GFRAL: variants seen among roughly 807,000 people sequenced by gnomAD.
The protein encoded by GFRAL is GDNF family receptor alpha-like.
A neutral mutation model predicts 45.4 loss-of-function variants in GFRAL; 36 were observed. The ratio of observed to expected loss-of-function variants is 0.79; its 90% CI spans 0.61 to 1.05. The LOEUF (loss-of-function observed/expected upper bound fraction) is 1.05. GFRAL is among the 50% of genes least tolerant of loss of function. The pLI is 0.00. For synonymous variants in GFRAL, 166 were observed against 154.1 expected, an observed-to-expected ratio of 1.08 and a Z score of -0.57; for missense variants, 507 against 467.5, an observed-to-expected ratio of 1.08 and a Z score of -0.78.
chr6:55,330,919 A>G lies in GFRAL; in HGVS notation c.23-796A>G, dbSNP rs576123787. Among the ~76,000 whole-genome samples the G allele has an allele frequency of 5.9e-5, 9 of 152,272 alleles. No homozygotes were observed. In the South Asian group the frequency reaches 1.9e-3, roughly 32 times the overall value. On this transcript the variant is annotated intron_variant, in intron 1 of 8. Coordinates refer to ENST00000340465, the MANE Select transcript of GFRAL (RefSeq NM_207410.2). Reference sequence around the variant, plus strand: ...TGGGAGAGTGAAGTTGAGGATGGAAAATAGTCTACCACAAAACCAAGATTT... The same window carrying G: ...TGGGAGAGTGAAGTTGAGGATGGAAGATAGTCTACCACAAAACCAAGATTT...
At chr6:55,329,786 A>G (rs558515115) in intron 1 of GFRAL, among the ~76,000 whole-genome samples, 3 of 152,198 alleles carry the variant, frequency 2.0e-5, no homozygotes, top group Non-Finnish European at 4.4e-5. Context: ...CAAGTAGTAC[A>G]CATGGTCCAA....
At chr6:55,346,834 C>A (rs1002294082) in intron 3 of GFRAL, among the ~76,000 whole-genome samples, 34 of 56,656 alleles carry the variant, frequency 6.0e-4, no homozygotes, top group African/African-American at 1.5e-3. Flanking sequence ...CAAGAAATCC[C>A]CCCCCCCCAA....
intron 3 of GFRAL, among the ~76,000 whole-genome samples, chr6:55,334,868 T>A (rs1007555920): frequency 6.6e-6 from 1 of 152,216 alleles, no homozygotes; most frequent in Admixed American, 6.5e-5. Flanking sequence ...ATGTGTAAGT[T>A]TATTTTTCTT....
chr6:55,382,481 C>A (rs1768623451), intron 6 of GFRAL, among the ~76,000 whole-genome samples: 1 of 151,864 alleles, frequency 6.6e-6, no homozygotes, highest in South Asian at 2.1e-4. Context: ...CTAGATATTT[C>A]TTTGGGTTGG....
intron 5 of GFRAL, among the ~76,000 whole-genome samples, chr6:55,357,887 T>C (rs1241401118): frequency 6.6e-6 from 1 of 151,688 alleles, no homozygotes; most frequent in Non-Finnish European, 1.5e-5. Context: ...TCTATCTGAA[T>C]GACAATCAAT....
chr6:55,328,280 AT>A (rs1437460863), intron 1 of GFRAL, among the ~76,000 whole-genome samples: 4 of 151,926 alleles, frequency 2.6e-5, no homozygotes, highest in African/African-American at 9.7e-5. Context: ...CTTCTTTAGC[AT>A]TTGGTAGAAT....
chr6:55,367,850 C>G (rs1330930598), intron 6 of GFRAL, among the ~76,000 whole-genome samples: 1 of 152,034 alleles, frequency 6.6e-6, no homozygotes, highest in African/African-American at 2.4e-5. Flanking sequence ...GGTAACCCGA[C>G]CTTTCTCTCT....
At chr6:55,355,210 C>T (rs1226933507) in intron 5 of GFRAL, among the ~76,000 whole-genome samples, 1 of 151,570 alleles carries the variant, frequency 6.6e-6, no homozygotes, top group Non-Finnish European at 1.5e-5. Flanking sequence ...AAAATTCACA[C>T]ATCAGGGTCT....
chr6:55,330,320 A>G (rs1196875368), intron 1 of GFRAL, among the ~76,000 whole-genome samples: 1 of 152,174 alleles, frequency 6.6e-6, no homozygotes, highest in Non-Finnish European at 1.5e-5. Flanking sequence ...TGACAAAAAT[A>G]CAGTTATAAA....
intron 6 of GFRAL, among the ~76,000 whole-genome samples, chr6:55,376,104 T>C (rs535177157): frequency 1.3e-5 from 2 of 152,316 alleles, no homozygotes; most frequent in South Asian, 4.1e-4. Context: ...TTTCTGCAAC[T>C]ATTGAGATAA....
At chr6:55,394,705 G>A (rs1271763993) in intron 6 of GFRAL, among the ~76,000 whole-genome samples, 1 of 151,984 alleles carries the variant, frequency 6.6e-6, no homozygotes, top group South Asian at 2.1e-4. Flanking sequence ...GAGAACTAGA[G>A]GTAACAAAAT....
intron 6 of GFRAL, among the ~76,000 whole-genome samples, chr6:55,369,609 A>G (rs532546005): frequency 6.6e-5 from 10 of 152,318 alleles, no homozygotes; most frequent in Non-Finnish European, 1.0e-4. Flanking sequence ...TATTGCACGT[A>G]TGTACTGGCA....
Position 55,359,077 on chromosome 6 carries a change from A to C in GFRAL, c.891A>C (p.Thr297=). 6.2e-7 allele frequency: 1 copy of C among 1,612,820 alleles called. No individual in the cohort carries two copies. Among genetic ancestry groups the C allele is most frequent in the Non-Finnish European group, 8.5e-7 (1 of 1,179,228 alleles). The change falls in exon 6 of 9, where the codon ACA becomes ACC. Residue 297 remains threonine, a synonymous_variant. Transcript: ENST00000340465. ...LQVQCTCRTI[T]QSEESLCKIF... ...TGCAATGTACCTGTAGGACCATTAC[A>C]CAAAGTGAGGAATCTTTGTGTAAGA... is the stretch of plus-strand genomic sequence containing the variant.
chr6:55,363,613 G>T (rs1215928558), intron 6 of GFRAL, among the ~76,000 whole-genome samples: 2 of 114,342 alleles, frequency 1.7e-5, no homozygotes, highest in African/African-American at 7.1e-5. Flanking sequence ...TCAGTCCCCA[G>T]AGTGTGATAT....
chr6:55,390,337 T>C lies in GFRAL; in HGVS notation c.953-8843T>C, dbSNP rs577743739. ...ATGCAATTGTCAAATTTCAGTGGCA[T>C]ACAAAAACAAAGATTGATTTCTAGG... On this transcript the variant is annotated intron_variant, in intron 6 of 8. Transcript: ENST00000340465. Among the ~76,000 whole-genome samples the C allele has an allele frequency of 8.5e-5, 13 of 152,320 alleles. No individual in the cohort carries two copies. The South Asian group carries it at 2.7e-3, about 32-fold the overall frequency.
chr6:55,341,571 G>A (rs1767965873), intron 3 of GFRAL, among the ~76,000 whole-genome samples: 1 of 152,098 alleles, frequency 6.6e-6, no homozygotes, highest in African/African-American at 2.4e-5. Flanking sequence ...CAAAGATGGG[G>A]AAAAAACAGA....
At chr6:55,399,881 T>C (rs1181867574) in intron 8 of GFRAL, among the ~76,000 whole-genome samples, 1 of 152,158 alleles carries the variant, frequency 6.6e-6, no homozygotes, top group Non-Finnish European at 1.5e-5. Context: ...CTAATACATT[T>C]TATTCATTTT....
intron 3 of GFRAL, among the ~76,000 whole-genome samples, chr6:55,340,607 G>A (rs940436595): frequency 6.6e-6 from 1 of 152,170 alleles, no homozygotes; most frequent in African/African-American, 2.4e-5. Flanking sequence ...TGATGCAGAA[G>A]ACGAGTGATT....
chr6:55,396,379 C>T (rs999310025), intron 6 of GFRAL, among the ~76,000 whole-genome samples: 1 of 152,114 alleles, frequency 6.6e-6, no homozygotes, highest in Non-Finnish European at 1.5e-5. Flanking sequence ...TAAAAAAAGC[C>T]TTTTTTCTTT....
Sources: allele counts gnomAD v4.1 joint callset (sites outside exome capture counted in the v4.1 genomes callset), GRCh38; gene constraint gnomAD v4.1.1; transcripts MANE v1.5; gene names NCBI Gene and HGNC (gene_info 2026-07-23, HGNC 2026-07-21).